The following RSRC1 variants were observed in gnomAD, a reference collection of about 807,000 sequenced individuals.
RSRC1 encodes serine/Arginine-related protein 53.
Under a neutral mutation model 49.1 loss-of-function variants are expected in RSRC1, and 39 were observed. The observed-to-expected ratio is 0.79, with a 90% CI of 0.61 to 1.04. RSRC1 has a LOEUF of 1.04. Among genes scored for constraint, RSRC1 ranks in the 50% least tolerant of loss-of-function variants. The pLI, the probability that RSRC1 is intolerant of heterozygous loss-of-function variation, is 0.00. For synonymous variants in RSRC1, 143 were observed against 130.8 expected, an observed-to-expected ratio of 1.09 and a Z score of -0.63; for missense variants, 388 against 402.4, an observed-to-expected ratio of 0.96 and a Z score of 0.31.
At chr3:158,314,055 C>T (rs888542827) in intron 5 of RSRC1, among the ~76,000 whole-genome samples, 7 of 152,144 alleles carry the variant, frequency 4.6e-5, no homozygotes, top group Admixed American at 2.0e-4. Flanking sequence ...CTGTTTGTTA[C>T]GAGTAACTTG....
intron 4 of RSRC1, among the ~76,000 whole-genome samples, chr3:158,211,462 A>G (rs1559944721): frequency 1.3e-5 from 2 of 152,016 alleles, no homozygotes; most frequent in African/African-American, 4.8e-5. Context: ...GAATAACGTA[A>G]TAGATTCAAA....
At chr3:158,110,317 G>C (rs1714281731) in intron 1 of RSRC1, 94 bp downstream of exon 1, 1 of 152,440 alleles carries the variant, frequency 6.6e-6, no homozygotes, top group African/African-American at 2.4e-5. Flanking sequence ...GCCTGGCGCA[G>C]TTTGCGGCTC....
intron 5 of RSRC1, among the ~76,000 whole-genome samples, chr3:158,344,531 T>C (rs1560002934): frequency 2.0e-5 from 3 of 152,140 alleles, no homozygotes; most frequent in Non-Finnish European, 4.4e-5. Context: ...TTCAAAAATG[T>C]AGGCCAAATG....
intron 3 of RSRC1, among the ~76,000 whole-genome samples, chr3:158,189,343 T>A (rs1427678029): frequency 6.6e-6 from 1 of 151,986 alleles, no homozygotes; most frequent in African/African-American, 2.4e-5. Context: ...TCAAATCTTC[T>A]GTGTCTTTAC....
intron 6 of RSRC1, among the ~76,000 whole-genome samples, chr3:158,445,424 T>C (rs948113490): frequency 6.6e-6 from 1 of 151,938 alleles, no homozygotes; most frequent in Non-Finnish European, 1.5e-5. Context: ...AAACACCACA[T>C]GTTCTCACTC....
intron 5 of RSRC1, among the ~76,000 whole-genome samples, chr3:158,302,022 G>T (rs1466280154): frequency 6.8e-6 from 1 of 146,156 alleles, no homozygotes; most frequent in African/African-American, 2.5e-5. Context: ...TAAACTGTGT[G>T]TGTGTATGTG....
At chr3:158,139,702 C>T (rs1286369690) in intron 3 of RSRC1, among the ~76,000 whole-genome samples, 3 of 149,122 alleles carry the variant, frequency 2.0e-5, no homozygotes, top group African/African-American at 7.4e-5. Context: ...AGCATGATCT[C>T]GGCTTACTGC....
chr3:158,431,302 T>C (rs150346926), intron 6 of RSRC1, among the ~76,000 whole-genome samples: 2 of 151,798 alleles, frequency 1.3e-5, no homozygotes, highest in African/African-American at 4.8e-5. Context: ...ACCTCTGTAA[T>C]CTCCATCTTA....
intron 6 of RSRC1, among the ~76,000 whole-genome samples, chr3:158,436,642 A>AT (rs918739125): frequency 1.4e-4 from 21 of 152,000 alleles, no homozygotes; most frequent in African/African-American, 4.3e-4. Context: ...TTGTACATTG[A>AT]TTTTTTAAGT....
intron 5 of RSRC1, among the ~76,000 whole-genome samples, chr3:158,317,479 C>T (rs1728526855): frequency 6.6e-6 from 1 of 152,188 alleles, no homozygotes; most frequent in Admixed American, 6.5e-5. Flanking sequence ...ATCCACCCGC[C>T]TTGGCCTCCC....
chr3:158,118,411 TTC>T (rs1233529132), intron 1 of RSRC1, among the ~76,000 whole-genome samples: 11 of 78,180 alleles, frequency 1.4e-4, no homozygotes, highest in Admixed American at 1.3e-4. Context: ...GTACCTGGCC[TTC>T]TGTGTGTGTG....
At chr3:158,239,698 A>G (rs925372092) in intron 4 of RSRC1, among the ~76,000 whole-genome samples, 6 of 152,142 alleles carry the variant, frequency 3.9e-5, no homozygotes, top group Admixed American at 6.5e-5. Context: ...TATTGTGCAC[A>G]TGTACCCTAG....
intron 5 of RSRC1, chr3:158,336,354 G>C (rs1035656424): frequency 1.3e-5 from 2 of 152,352 alleles, no homozygotes; most frequent in African/African-American, 2.4e-5. Context: ...ATGTTCTGGG[G>C]TTCCTCTGGG....
At chr3:158,204,204 T>C (rs1264993605) in intron 4 of RSRC1, among the ~76,000 whole-genome samples, 1 of 152,208 alleles carries the variant, frequency 6.6e-6, no homozygotes, top group Non-Finnish European at 1.5e-5. Flanking sequence ...TACAGAACTC[T>C]TTCCTCATTC....
intron 4 of RSRC1, among the ~76,000 whole-genome samples, chr3:158,219,160 A>T (rs1722102866): frequency 6.6e-6 from 1 of 151,586 alleles, no homozygotes; most frequent in South Asian, 2.1e-4. Flanking sequence ...AAGGAGAGGG[A>T]TTATTATATG....
At chr3:158,491,800 C>T (rs1044482396) in intron 7 of RSRC1, among the ~76,000 whole-genome samples, 1 of 152,106 alleles carries the variant, frequency 6.6e-6, no homozygotes, top group Admixed American at 6.6e-5. Flanking sequence ...ACACCTCGTG[C>T]TATGGGTTGG....
intron 7 of RSRC1, among the ~76,000 whole-genome samples, chr3:158,487,949 G>GAAAAAAAAAAAAAAAAAAAAAAA (rs58689210): frequency 3.5e-5 from 1 of 28,920 alleles, no homozygotes; most frequent in African/African-American, 1.3e-4. Context: ...TCCATCTCAA[G>GAAAAAAAAAAAAAAAAAAAAAAA]AAAAAAAAAA....
chr3:158,412,081 G>A (rs1012224099), intron 6 of RSRC1, among the ~76,000 whole-genome samples: 12 of 151,922 alleles, frequency 7.9e-5, no homozygotes, highest in South Asian at 2.1e-4. Context: ...AATTTCTTTC[G>A]TGTTTACAAG....
intron 4 of RSRC1, among the ~76,000 whole-genome samples, chr3:158,275,043 C>G (rs1725730826): frequency 6.6e-6 from 1 of 152,180 alleles, no homozygotes; most frequent in Non-Finnish European, 1.5e-5. Flanking sequence ...AGATTGACTT[C>G]TAAGCTCACA....
Sources: gnomAD v4.1 joint callset for allele counts (sites outside exome capture counted in the v4.1 genomes callset) on GRCh38, gnomAD v4.1.1 for gene constraint, MANE v1.5 for transcripts, NCBI Gene and HGNC (gene_info 2026-07-23, HGNC 2026-07-21) for gene names.